Variants in XPC observed in about 807,000 individuals in gnomAD.
The protein encoded by XPC is DNA repair protein complementing XP-C cells.
Under a neutral mutation model 95.8 loss-of-function variants are expected in XPC, and 76 were observed. That is an observed-to-expected ratio of 0.79 (90% CI 0.66 to 0.96). The LOEUF (loss-of-function observed/expected upper bound fraction) is 0.96. XPC is among the 40% of genes least tolerant of loss of function. The probability of loss-of-function intolerance (pLI) is 0.00; values close to 1 mark genes in which losing one functional copy is unlikely to be tolerated. For missense variants in XPC, 1,146 were observed against 1,179.8 expected (o/e 0.97, Z 0.42); for synonymous variants, 442 against 442.1 (o/e 1.00, Z 0.00).
intron 7 of XPC, among the ~76,000 whole-genome samples, chr3:14,163,188 G>A (rs1445743938): frequency 6.6e-6 from 1 of 152,202 alleles, no homozygotes; most frequent in African/African-American, 2.4e-5. Flanking sequence ...GCAGAAAACA[G>A]TTTGGTGGTT....
At position 14,146,588 on chromosome 3, in the gene XPC, A is replaced by T. The variant is rs575742994; in HGVS notation, c.2605-429T>A. ...GCACTCCCTGCCAGCTGGGATGGCT[A>T]GGGAGGGTTTGGATGGAGAAGGCGG... On this transcript the variant is annotated intron_variant, in intron 15 of 15. Coordinates refer to ENST00000285021, the MANE Select transcript of XPC (RefSeq NM_004628.5). Among the ~76,000 whole-genome samples the T allele has an allele frequency of 1.8e-4, 28 of 152,274 alleles. No homozygotes were observed. The South Asian group carries it at 5.8e-3, about 32-fold the overall frequency.
At chr3:14,147,542 A>G in intron 14 of XPC, 163 bp from the exon 15 acceptor site, 1 of 708,014 alleles carries the variant, frequency 1.4e-6, no homozygotes, top group Non-Finnish European at 2.3e-6. Context: ...TCTGATTTAC[A>G]AAGTGATATA....
In XPC at chr3:14,145,688, G is replaced by A. The variant is rs763655345; in HGVS notation, c.*253C>T. The A allele has an allele frequency of 4.3e-6, 3 of 699,696 alleles. No homozygotes were observed. Among genetic ancestry groups the A allele is most frequent in the Non-Finnish European group, 7.8e-6 (3 of 385,152 alleles). 43.3% of individuals were successfully genotyped at this position (699,696 alleles called of 1,614,324 possible). On this transcript the variant is annotated 3_prime_UTR_variant, in exon 16 of 16. Coordinates refer to ENST00000285021, the MANE Select transcript of XPC (RefSeq NM_004628.5). ...AAGTGTTCTGTAGCTCAAAGGGTGA[G>A]TGGGCTTTGGTAGCAAAAAGCTTTG...
At chr3:14,171,086 C>A (rs1346516454) in intron 2 of XPC, among the ~76,000 whole-genome samples, 1 of 152,176 alleles carries the variant, frequency 6.6e-6, no homozygotes, top group Non-Finnish European at 1.5e-5. Context: ...AGACAGCTAG[C>A]TAGCTAAGTA....
intron 10 of XPC, among the ~76,000 whole-genome samples, chr3:14,155,673 T>C (rs922921748): frequency 3.3e-5 from 5 of 152,136 alleles, no homozygotes; most frequent in African/African-American, 7.2e-5. Context: ...TTCTCCTGCC[T>C]CAGCCTCTCC....
intron 5 of XPC, 26 bp from the exon 6 acceptor site, chr3:14,165,611 C>A: frequency 6.2e-7 from 1 of 1,611,434 alleles, no homozygotes; most frequent in Non-Finnish European, 8.5e-7. Context: ...GAGGAAGGGG[C>A]AGCATGGAAG....
chr3:14,170,040 G>T (rs1478452396), intron 3 of XPC, among the ~76,000 whole-genome samples: 1 of 152,212 alleles, frequency 6.6e-6, no homozygotes, highest in Non-Finnish European at 1.5e-5. Flanking sequence ...AGTGTTTACA[G>T]AGTGTTACCA....
At position 14,159,783 on chromosome 3, in the gene XPC, T is replaced by C. The variant is rs2125028084; in HGVS notation, c.948A>G (p.Val316=). ...TCAGAGGAATTGGCTGTAGAGACAATACCAGCCGGGTCAAGAGCTGCAGAG... is the reference window on the plus strand; with the variant it reads ...TCAGAGGAATTGGCTGTAGAGACAACACCAGCCGGGTCAAGAGCTGCAGAG... ...LRALQLLTRL[V]LSLQPIPLKS... is the part of the protein sequence containing the mutation. Residue 316 remains valine, a synonymous_variant, in exon 8 of 16, where the codon GTA becomes GTG. Transcript: ENST00000285021. 5 of 1,562,902 alleles carry C rather than the reference T, an allele frequency of 3.2e-6. No homozygotes were observed. Among genetic ancestry groups the C allele is most frequent in the African/African-American group, 1.4e-5 (1 of 73,556 alleles).
chr3:14,145,296 T>G lies in XPC; in HGVS notation c.*645A>C, dbSNP rs1208395215. On this transcript the variant is annotated 3_prime_UTR_variant, in exon 16 of 16. Coordinates refer to ENST00000285021, the MANE Select transcript of XPC (RefSeq NM_004628.5). ...ACATTTCCTTAATTTTCAATTCGTATTTTTCCTTTTCTTTCCTGATTTTAG... is the reference window on the plus strand; with the variant it reads ...ACATTTCCTTAATTTTCAATTCGTAGTTTTCCTTTTCTTTCCTGATTTTAG... 4 of 698,026 alleles carry G rather than the reference T, an allele frequency of 5.7e-6. No homozygotes were observed. In the African/African-American group the frequency reaches 7.0e-5, roughly 12 times the overall value. 43.2% of individuals were successfully genotyped at this position (698,026 alleles called of 1,614,324 possible).
intron 9 of XPC, among the ~76,000 whole-genome samples, chr3:14,156,735 A>G (rs1487539901): frequency 1.3e-5 from 2 of 152,194 alleles, no homozygotes; most frequent in Non-Finnish European, 2.9e-5. Flanking sequence ...AAAGTTGTCT[A>G]ACCTATTTGA....
chr3:14,162,079 G>A (rs1239644361), intron 7 of XPC, among the ~76,000 whole-genome samples: 1 of 151,900 alleles, frequency 6.6e-6, no homozygotes, highest in Non-Finnish European at 1.5e-5. Context: ...AAAGTACCTA[G>A]GAAAAAATTT....
At position 14,172,868 on chromosome 3, in the gene XPC, T is replaced by C. The variant is rs1425193237; in HGVS notation, c.298A>G (p.Arg100Gly). The C allele has an allele frequency of 6.2e-6, 10 of 1,613,462 alleles. No homozygotes were observed. The Admixed American group carries it at 1.0e-4, about 16-fold the overall frequency. ...GACAAAGCTTTGCAGACATCTCACC[T>C]GAGGTCATCCCCATCGCTGAGGGCT... ...DEALSDGDDLRDFPSDLKKAH... is the reference protein window; with the variant it reads ...DEALSDGDDLGDFPSDLKKAH... Residue 100 changes from arginine to glycine, a missense_variant and splice_region_variant, in exon 2 of 16, where the codon AGG (arginine) becomes GGG (glycine). By Grantham distance (125) the Arg-to-Gly change is moderately radical. Transcript: ENST00000285021.
intron 11 of XPC, among the ~76,000 whole-genome samples, chr3:14,150,491 C>CT (rs1695644035): frequency 6.6e-6 from 1 of 152,242 alleles, no homozygotes. Flanking sequence ...CAGAGGGACT[C>CT]TGAGTTCTGA....
chr3:14,152,579 G>A (rs987875490), intron 10 of XPC, 163 bp from the exon 11 acceptor site: 6 of 589,326 alleles, frequency 1.0e-5, no homozygotes, highest in African/African-American at 7.7e-5. Flanking sequence ...TAGGCAAACA[G>A]CCTTGAACGT....
At chr3:14,172,725 C>A in intron 2 of XPC, 142 bp downstream of exon 2, 1 of 918,468 alleles carries the variant, frequency 1.1e-6, no homozygotes, top group Non-Finnish European at 1.5e-6. Flanking sequence ...CCAGCTCTTA[C>A]CGGTCTGAGT....
intron 9 of XPC, 106 bp from the exon 10 acceptor site, chr3:14,156,601 C>T: frequency 6.6e-7 from 1 of 1,513,138 alleles, no homozygotes; most frequent in Non-Finnish European, 9.1e-7. Context: ...GATGGTGGAG[C>T]CAAGGTTTCA....
At chr3:14,163,477 A>G (rs1696244404) in intron 7 of XPC, among the ~76,000 whole-genome samples, 1 of 152,362 alleles carries the variant, frequency 6.6e-6, no homozygotes, top group South Asian at 2.1e-4. Flanking sequence ...AAAACATTAT[A>G]CTAAGCAAAA....
chr3:14,176,040 T>TGG (rs1696801964), intron 1 of XPC, among the ~76,000 whole-genome samples: 6 of 152,212 alleles, frequency 3.9e-5, no homozygotes, highest in Non-Finnish European at 8.8e-5. Flanking sequence ...GCTCTTGGCT[T>TGG]TATATGCTAT....
chr3:14,160,438 A>G (rs1295030571), intron 7 of XPC, among the ~76,000 whole-genome samples: 1 of 152,188 alleles, frequency 6.6e-6, no homozygotes, highest in East Asian at 1.9e-4. Flanking sequence ...GTGATAATGT[A>G]CTCGGCCAAG....
Sources: gnomAD v4.1 joint callset for allele counts (sites outside exome capture counted in the v4.1 genomes callset) on GRCh38, gnomAD v4.1.1 for gene constraint, MANE v1.5 for transcripts, NCBI Gene and HGNC (gene_info 2026-07-23, HGNC 2026-07-21) for gene names.